The following RAF1 variants were observed in gnomAD, a reference collection of about 807,000 sequenced individuals.
The protein encoded by RAF1 is RAF proto-oncogene serine/threonine-protein kinase.
RAF1 carries 27 observed loss-of-function variants against 81.1 expected under a neutral mutation model. That is an observed-to-expected ratio of 0.33 (90% CI 0.25 to 0.46). The LOEUF is 0.46. Among genes scored for constraint, RAF1 ranks in the 20% least tolerant of loss-of-function variants. The probability of loss-of-function intolerance (pLI) is 1.00; values close to 1 mark genes in which losing one functional copy is unlikely to be tolerated. For synonymous variants in RAF1, 298 were observed against 294.0 expected, an observed-to-expected ratio of 1.01 and a Z score of -0.14; for missense variants, 598 against 826.0, an observed-to-expected ratio of 0.72 and a Z score of 3.38.
chr3:12,602,972 C>T (rs967649921), intron 8 of RAF1, among the ~76,000 whole-genome samples: 3 of 152,122 alleles, frequency 2.0e-5, no homozygotes, highest in African/African-American at 7.2e-5. Flanking sequence ...ATGCTGTGAG[C>T]ACCAACTAAG....
chr3:12,653,578 C>T (rs2060598498), intron 1 of RAF1, among the ~76,000 whole-genome samples: 1 of 152,078 alleles, frequency 6.6e-6, no homozygotes, highest in African/African-American at 2.4e-5. Context: ...AACCCTGTCT[C>T]TACTAAAAAT....
chr3:12,630,286 C>T (rs928106701), intron 1 of RAF1, among the ~76,000 whole-genome samples: 2 of 152,156 alleles, frequency 1.3e-5, no homozygotes, highest in Non-Finnish European at 2.9e-5. Context: ...AATTGCTTAC[C>T]TTTCCCATAT....
At chr3:12,634,742 C>T (rs1431162335) in intron 1 of RAF1, among the ~76,000 whole-genome samples, 1 of 151,886 alleles carries the variant, frequency 6.6e-6, no homozygotes, top group Non-Finnish European at 1.5e-5. Context: ...GAAGGAGTAA[C>T]AGAGAAGGGA....
intron 1 of RAF1, among the ~76,000 whole-genome samples, chr3:12,653,880 G>C (rs1048399615): frequency 6.6e-6 from 1 of 152,108 alleles, no homozygotes; most frequent in African/African-American, 2.4e-5. Context: ...GCAAAGAAAA[G>C]CCATGACATT....
At chr3:12,585,635 C>CT in intron 15 of RAF1, 46 bp downstream of exon 14, 1 of 1,503,504 alleles carries the variant, frequency 6.7e-7, no homozygotes, top group Non-Finnish European at 9.3e-7. Context: ...CAAGGCATTC[C>CT]TTTTGCCCTA....
chr3:12,638,681 A>C (rs1451095066), intron 1 of RAF1, among the ~76,000 whole-genome samples: 2 of 152,130 alleles, frequency 1.3e-5, no homozygotes, highest in African/African-American at 4.8e-5. Context: ...CACACATCCG[A>C]TTTGTCTTAA....
At chr3:12,617,642 T>C (rs895600044) in intron 2 of RAF1, among the ~76,000 whole-genome samples, 2 of 151,952 alleles carry the variant, frequency 1.3e-5, no homozygotes, top group African/African-American at 4.8e-5. Flanking sequence ...TCCCAGCAGT[T>C]TGGGAGGCCG....
At chr3:12,660,017 C>A (rs1211957543) in intron 1 of RAF1, among the ~76,000 whole-genome samples, 1 of 152,054 alleles carries the variant, frequency 6.6e-6, no homozygotes, top group East Asian at 1.9e-4. Context: ...TTAAAGTTAT[C>A]AATTATATTT....
At chr3:12,584,724 C>T (rs41293391) in intron 17 of RAF1, 67 bp from the exon 17 acceptor site, 1 of 1,613,186 alleles carries the variant, frequency 6.2e-7, no homozygotes, top group Non-Finnish European at 8.5e-7. Context: ...CCCTGCCCCC[C>T]ACCATCTTGT....
intron 1 of RAF1, among the ~76,000 whole-genome samples, chr3:12,624,781 C>T (rs542131971): frequency 1.2e-4 from 18 of 151,468 alleles, no homozygotes; most frequent in African/African-American, 4.1e-4. Context: ...GTGGATGGAT[C>T]ACCTGAGGTC....
At chr3:12,594,326 C>A (rs1208438083) in intron 11 of RAF1, among the ~76,000 whole-genome samples, 2 of 152,142 alleles carry the variant, frequency 1.3e-5, no homozygotes. Flanking sequence ...GAGCCTTTAA[C>A]GGGAGGGGAC....
intron 1 of RAF1, among the ~76,000 whole-genome samples, chr3:12,619,567 C>CAAAAAAAAA (rs544916552): frequency 2.5e-5 from 2 of 81,100 alleles, no homozygotes; most frequent in Admixed American, 1.2e-4. Flanking sequence ...CTCCATCTCC[C>CAAAAAAAAA]AAAAAAAAAA....
chr3:12,627,061 T>C (rs1258358202), intron 1 of RAF1, among the ~76,000 whole-genome samples: 1 of 151,032 alleles, frequency 6.6e-6, no homozygotes, highest in Admixed American at 6.6e-5. Flanking sequence ...ACTCTTCATA[T>C]ATACAAAATA....
intron 1 of RAF1, among the ~76,000 whole-genome samples, chr3:12,662,926 C>T (rs2060925439): frequency 6.6e-6 from 1 of 152,062 alleles, no homozygotes; most frequent in South Asian, 2.1e-4. Flanking sequence ...AGCAGAAACG[C>T]TCAATGAACG....
chr3:12,636,034 C>T (rs1370962002), intron 1 of RAF1, among the ~76,000 whole-genome samples: 1 of 151,710 alleles, frequency 6.6e-6, no homozygotes, highest in Non-Finnish European at 1.5e-5. Context: ...GTCTGCAATC[C>T]CAGCACTTTG....
chr3:12,592,187 G>T (rs1420189931), intron 11 of RAF1: 3 of 340,586 alleles, frequency 8.8e-6, no homozygotes, highest in Non-Finnish European at 1.7e-5. Context: ...GTGAGGTCAT[G>T]TGTGACAGGT....
chr3:12,618,733 AAAC>A lies in RAF1; in HGVS notation c.-15_-13del. ...TGTATGTGCTCCATTGATGCAGCTTAAACAATTCTTAAACCTGGTAAGAAACAC... is the reference window on the plus strand; with the variant it reads ...TGTATGTGCTCCATTGATGCAGCTTAAATTCTTAAACCTGGTAAGAAACAC... On this transcript the variant is annotated 5_prime_UTR_variant, in exon 2 of 18. Transcript: ENST00000442415. 6.2e-7 allele frequency: 1 copy of A among 1,613,770 alleles called. No homozygotes were observed. Among genetic ancestry groups the A allele is most frequent in the South Asian group, 1.1e-5 (1 of 91,032 alleles).
chr3:12,603,911 T>C (rs2058942466), intron 7 of RAF1, among the ~76,000 whole-genome samples: 2 of 152,236 alleles, frequency 1.3e-5, no homozygotes, highest in African/African-American at 4.8e-5. Flanking sequence ...GTTCAAATGT[T>C]AACATTTTTT....
intron 13 of RAF1, chr3:12,588,314 T>C (rs1386522629): frequency 1.3e-5 from 2 of 152,224 alleles, no homozygotes. Context: ...CCATATCTTA[T>C]GTATTATATA....
Sources: gnomAD v4.1 joint callset for allele counts (sites outside exome capture counted in the v4.1 genomes callset) on GRCh38, gnomAD v4.1.1 for gene constraint, MANE v1.5 for transcripts, NCBI Gene and HGNC (gene_info 2026-07-23, HGNC 2026-07-21) for gene names.